The following MICAL3 variants were observed in gnomAD, a reference collection of about 807,000 sequenced individuals.
MICAL3 encodes microtubule associated monooxygenase, calponin and LIM domain containing 3.
In MICAL3, 62 loss-of-function variants were observed where a neutral mutation model predicts 207.4. That is an observed-to-expected ratio of 0.30 (90% CI 0.24 to 0.37). MICAL3 has a LOEUF of 0.37. MICAL3 is among the 10% of genes least tolerant of loss of function. The probability of loss-of-function intolerance (pLI) is 1.00; values close to 1 mark genes in which losing one functional copy is unlikely to be tolerated. For missense variants in MICAL3, 2,368 were observed against 2,635.6 expected (o/e 0.90, Z 2.22); for synonymous variants, 1,077 against 1,069.3 (o/e 1.01, Z -0.14).
At chr22:17,995,032 G>A (rs1042509438) in intron 1 of MICAL3, among the ~76,000 whole-genome samples, 1 of 151,948 alleles carries the variant, frequency 6.6e-6, no homozygotes, top group Non-Finnish European at 1.5e-5. Context: ...AGAGAGACAC[G>A]GCCTAACAGA....
Position 17,808,871 on chromosome 22 carries a change from C to T in MICAL3, c.5623G>A (p.Val1875Met). The T allele has an allele frequency of 6.4e-7, 1 of 1,553,170 alleles. No individual in the cohort carries two copies. Among genetic ancestry groups the T allele is most frequent in the Non-Finnish European group, 8.7e-7 (1 of 1,148,128 alleles). ...GCTTCGCCCCGGAGCGCCTTCTCCA[C>T]AGCCACGCCCCTTTCCTCCAGCCGC... Reference protein sequence around the residue: ...QRRLEERGVAVEKALRGEAGM... With the variant: ...QRRLEERGVAMEKALRGEAGM... Residue 1875 changes from valine to methionine, a missense_variant, in exon 29 of 32, where the codon GTG (valine) becomes ATG (methionine). Val to Met is a conservative substitution (Grantham distance 21, BLOSUM62 1). Around this residue, in one of 4 missense-constraint regions of MICAL3, gnomAD observed 1,770 missense variants for 1,863.2 expected, o/e 0.95. Transcript: ENST00000441493.
Position 17,846,909 on chromosome 22 carries a change from G to A in MICAL3, c.2606-4892C>T, listed in dbSNP as rs192470880. ...TATCCTAAATAGGAAAGAGGCTCTG[G>A]GCCGCACCTCAGGTTCTGCTTTGGA... On this transcript the variant is annotated intron_variant, in intron 19 of 31. Transcript: ENST00000441493. 1.6e-4 allele frequency among the ~76,000 whole-genome samples: 25 copies of A among 152,262 alleles called. No homozygotes were observed. The East Asian group carries it at 4.6e-3, about 28-fold the overall frequency.
At chr22:17,881,375 G>A in intron 16 of MICAL3, 2 of 1,260,574 alleles carry the variant, frequency 1.6e-6, no homozygotes, top group Non-Finnish European at 2.3e-6. Flanking sequence ...GGTTCTGGGA[G>A]GACTGAAGGG....
chr22:17,794,158 C>T (rs1041989873), intron 29 of MICAL3, among the ~76,000 whole-genome samples: 17 of 152,210 alleles, frequency 1.1e-4, no homozygotes, highest in Admixed American at 4.6e-4. Flanking sequence ...TGGCAGCACT[C>T]GGGCCACAGG....
intron 29 of MICAL3, among the ~76,000 whole-genome samples, chr22:17,805,957 C>T (rs2061984734): frequency 1.3e-5 from 2 of 152,146 alleles, no homozygotes; most frequent in Admixed American, 6.5e-5. Context: ...CTCAAACTCC[C>T]GGCCTCAGGT....
At chr22:17,910,361 A>G (rs1932040413) in intron 1 of MICAL3, among the ~76,000 whole-genome samples, 1 of 152,202 alleles carries the variant, frequency 6.6e-6, no homozygotes, top group Non-Finnish European at 1.5e-5. Context: ...AACCGCCACA[A>G]AGAATTTCCA....
intron 1 of MICAL3, among the ~76,000 whole-genome samples, chr22:17,929,489 T>C (rs976623959): frequency 6.6e-6 from 1 of 152,054 alleles, no homozygotes; most frequent in African/African-American, 2.4e-5. Context: ...AACAACATTT[T>C]TTCCAAAGGC....
Position 17,818,524 on chromosome 22 carries a change from A to C in MICAL3, c.4137T>G (p.Leu1379=). 6.2e-7 allele frequency: 1 copy of C among 1,613,272 alleles called. No individual in the cohort carries two copies. The highest frequency in any genetic ancestry group is 8.5e-7 in the Non-Finnish European group (1 of 1,179,834). Residue 1379 remains leucine, a synonymous_variant, in exon 26 of 32, where the codon CTT becomes CTG. Transcript: ENST00000441493. ...TTTTGGGGATGGACAGAGGCTTGAG[A>C]AGGTGGAGTCCCTCATCCTGGGGGG... The part of the protein sequence containing the change: ...EKSPQDEGLH[L]LKPLSIPKRL...
At chr22:17,963,812 C>T (rs894569137) in intron 1 of MICAL3, among the ~76,000 whole-genome samples, 2 of 152,200 alleles carry the variant, frequency 1.3e-5, no homozygotes, top group East Asian at 3.9e-4. Context: ...CATTGCCTTG[C>T]AAGGTAAGAT....
chr22:17,792,201 C>G (rs571791837), intron 29 of MICAL3, among the ~76,000 whole-genome samples: 1 of 152,354 alleles, frequency 6.6e-6, no homozygotes, highest in African/African-American at 2.4e-5. Context: ...CACAGAAGTT[C>G]ATGGCAAAAG....
intron 1 of MICAL3, among the ~76,000 whole-genome samples, chr22:17,950,166 A>ATTTTTTTT (rs10657913): frequency 0.041 from 5,952 of 143,906 alleles, 241 homozygotes; most frequent in African/African-American, 0.089. Context: ...ACAGCTGTCT[A>ATTTTTTTT]TTTTTTTTTT....
rs573815276 is a variant in MICAL3, at chr22:18,001,938, C to T, written c.-75+22343G>A. On this transcript the variant is annotated intron_variant, in intron 1 of 31. Coordinates refer to ENST00000441493, the MANE Select transcript of MICAL3 (RefSeq NM_015241.3). ...GTTGGCCGGGCGCGGTGGCTAACGC[C>T]TGTAATCCCAACACTTTGGGGAGCC... Among the ~76,000 whole-genome samples the T allele has an allele frequency of 5.9e-5, 9 of 152,298 alleles. No homozygotes were observed. In the South Asian group the frequency reaches 1.0e-3, roughly 18 times the overall value.
rs770521770 is a variant in MICAL3 at position 17,841,848 on chromosome 22, C to T, written c.2775G>A (p.Thr925=). ...AEHNLSSVLD[T]GAEEDVASSS... is the part of the protein sequence containing the mutation. ...TGCTGGCGACGTCCTCCTCGGCGCC[C>T]GTGTCCAGCACGCTGCTCAGGTTGT... The change falls in exon 20 of 32, where the codon ACG becomes ACA. Residue 925 remains threonine (T), a synonymous_variant. Transcript: ENST00000441493. The surrounding 1 kb of genome is among the most constrained non-coding windows in gnomAD (Gnocchi z 4.2). 5.8e-6 allele frequency: 9 copies of T among 1,559,640 alleles called. No homozygotes were observed. Among genetic ancestry groups the T allele is most frequent in the Admixed American group, 3.8e-5 (2 of 53,168 alleles).
intron 1 of MICAL3, among the ~76,000 whole-genome samples, chr22:17,973,746 C>T (rs556054723): frequency 3.2e-4 from 49 of 152,152 alleles, no homozygotes; most frequent in Non-Finnish European, 5.4e-4. Flanking sequence ...CTGGGCAACA[C>T]GGTGAGACGC....
chr22:17,893,470 C>T (rs578115086), intron 11 of MICAL3, among the ~76,000 whole-genome samples: 1 of 151,440 alleles, frequency 6.6e-6, no homozygotes, highest in South Asian at 2.1e-4. Flanking sequence ...CACACTCTCT[C>T]CCTCTCTCCC....
chr22:17,827,015 A>G lies in MICAL3; in HGVS notation c.3193+629T>C, dbSNP rs536750298. 2.6e-5 allele frequency among the ~76,000 whole-genome samples: 4 copies of G among 152,336 alleles called. No individual in the cohort carries two copies. The South Asian group carries it at 6.2e-4, about 24-fold the overall frequency. On this transcript the variant is annotated intron_variant, in intron 22 of 31. Coordinates refer to ENST00000441493, the MANE Select transcript of MICAL3 (RefSeq NM_015241.3). ...AGCAGAGGTGACTCCGAGGGTGGGT[A>G]TTTGGAAGACAGCATGCCAGGAAAG...
intron 1 of MICAL3, chr22:18,019,429 T>C: frequency 6.5e-6 from 1 of 153,246 alleles, no homozygotes. Flanking sequence ...GCGCAGTGTC[T>C]CACGCCGGTA....
rs982500038 is a variant in MICAL3, at chr22:17,929,166, A to G, written c.-74-22280T>C. Among the ~76,000 whole-genome samples the G allele has an allele frequency of 6.7e-4, 98 of 147,016 alleles. 2 individuals are homozygous for G. The highest frequency in any genetic ancestry group is 2.5e-4 in the Non-Finnish European group (17 of 67,284). ...CAGGCTGGAGTGTAGTGATGCCATC[A>G]TAGCTCACCGTAACCTCAAACTCCT... On this transcript the variant is annotated intron_variant, in intron 1 of 31. Coordinates refer to ENST00000441493, the MANE Select transcript of MICAL3 (RefSeq NM_015241.3).
At chr22:17,808,223 G>A (rs966519822) in intron 29 of MICAL3, among the ~76,000 whole-genome samples, 1 of 152,246 alleles carries the variant, frequency 6.6e-6, no homozygotes, top group African/African-American at 2.4e-5. Flanking sequence ...CAGCAGTCAC[G>A]AGCACAGGGC....
Sources: allele counts gnomAD v4.1 joint callset (sites outside exome capture counted in the v4.1 genomes callset), GRCh38; gene constraint gnomAD v4.1.1; regional missense constraint gnomAD v4.1.1; non-coding constraint Gnocchi (gnomAD v3.1); transcripts MANE v1.5; gene names NCBI Gene and HGNC (gene_info 2026-07-23, HGNC 2026-07-21).